Variants in CUL3 observed in about 807,000 individuals in gnomAD.
CUL3 encodes the protein cullin 3.
Under a neutral mutation model 89.1 loss-of-function variants are expected in CUL3, and 19 were observed. The ratio of observed to expected loss-of-function variants is 0.21; its 90% CI spans 0.15 to 0.31. CUL3 has a LOEUF of 0.31. CUL3 is among the 10% of genes least tolerant of loss of function. The pLI, the probability that CUL3 is intolerant of heterozygous loss-of-function variation, is 1.00. For missense variants in CUL3, 469 were observed against 942.3 expected, an observed-to-expected ratio of 0.50 and a Z score of 6.58; for synonymous variants, 351 against 308.4, an observed-to-expected ratio of 1.14 and a Z score of -1.45.
chr2:224,585,130 AGG>A lies in CUL3; in HGVS notation c.-123_-122del. On this transcript the variant is annotated 5_prime_UTR_variant, in exon 1 of 16. Transcript: ENST00000264414. The stretch of plus-strand genomic sequence containing the variant: ...GGCGGCGGCGGCGCGACCCCCGGGC[AGG>A]GCTGGGGAGCTGGCCGGCCCCTGGG... 1.6e-6 allele frequency: 1 copy of A among 621,626 alleles called. No individual in the cohort carries two copies. Among genetic ancestry groups the A allele is most frequent in the Non-Finnish European group, 2.2e-6 (1 of 465,074 alleles). The allele number at this position is 621,626 out of a possible 1,614,324, so 38.5% of individuals were successfully genotyped here. A position where few individuals can be genotyped will look rare whatever the true frequency, so the allele number is the denominator to read the frequency against.
chr2:224,494,018 T>C (rs1051095011), intron 13 of CUL3, among the ~76,000 whole-genome samples: 1 of 152,090 alleles, frequency 6.6e-6, no homozygotes, highest in African/African-American at 2.4e-5. Context: ...CACATGGAAA[T>C]CCATAAGAAA....
At chr2:224,578,730 G>C (rs926686841) in intron 1 of CUL3, among the ~76,000 whole-genome samples, 4 of 152,002 alleles carry the variant, frequency 2.6e-5, no homozygotes, top group Non-Finnish European at 5.9e-5. Flanking sequence ...AAAAAAAGTT[G>C]CATTATTTAA....
At chr2:224,507,638 A>C (rs141442443) in intron 6 of CUL3, among the ~76,000 whole-genome samples, 10 of 152,156 alleles carry the variant, frequency 6.6e-5, no homozygotes, top group African/African-American at 2.4e-4. Flanking sequence ...CCCAGGTAGC[A>C]TCCTAAGCCA....
At chr2:224,583,463 A>G (rs1695491066) in intron 1 of CUL3, among the ~76,000 whole-genome samples, 1 of 152,188 alleles carries the variant, frequency 6.6e-6, no homozygotes, top group African/African-American at 2.4e-5. Context: ...AATTAATATC[A>G]CTCACAAATG....
intron 1 of CUL3, chr2:224,563,258 C>G: frequency 2.1e-6 from 1 of 471,254 alleles, no homozygotes; most frequent in South Asian, 1.5e-5. Context: ...TACTACTTTT[C>G]CAGAGCCATT....
At chr2:224,563,679 G>C (rs1694970836) in intron 1 of CUL3, among the ~76,000 whole-genome samples, 1 of 152,188 alleles carries the variant, frequency 6.6e-6, no homozygotes, top group African/African-American at 2.4e-5. Flanking sequence ...GAAATCTCAT[G>C]CCATCCCACT....
chr2:224,491,935 G>A (rs1691998343), intron 13 of CUL3, among the ~76,000 whole-genome samples: 1 of 152,048 alleles, frequency 6.6e-6, no homozygotes, highest in Non-Finnish European at 1.5e-5. Context: ...ACCTTTCTTT[G>A]TATTGTAGGG....
intron 12 of CUL3, 133 bp from the exon 13 acceptor site, chr2:224,496,099 C>A: frequency 1.2e-6 from 1 of 854,910 alleles, no homozygotes; most frequent in Non-Finnish European, 1.8e-6. Flanking sequence ...GGCGCAAACA[C>A]AGCTCACTGC....
intron 2 of CUL3, among the ~76,000 whole-genome samples, chr2:224,541,753 G>T (rs538454743): frequency 6.6e-6 from 1 of 151,980 alleles, no homozygotes; most frequent in African/African-American, 2.4e-5. Flanking sequence ...GAATAGTTTG[G>T]ATCAATCTCA....
intron 1 of CUL3, among the ~76,000 whole-genome samples, chr2:224,565,124 A>G (rs1695009522): frequency 6.6e-6 from 1 of 152,158 alleles, no homozygotes; most frequent in Non-Finnish European, 1.5e-5. Context: ...AAGTCCCCCA[A>G]CTACTAATAG....
chr2:224,484,745 T>C (rs1253088902), intron 13 of CUL3, among the ~76,000 whole-genome samples: 2 of 152,196 alleles, frequency 1.3e-5, no homozygotes, highest in East Asian at 3.8e-4. Flanking sequence ...TTTGATGTGA[T>C]CCATGGAATT....
At position 224,505,715 on chromosome 2, in the gene CUL3, C is replaced by T. The variant is rs1692573959; in HGVS notation, c.1206+241G>A. The T allele has an allele frequency of 8.6e-6, 2 of 232,914 alleles. 1 individual carries two copies. The highest frequency in any genetic ancestry group is 2.8e-4 in the South Asian group (2 of 7,242). The allele number at this position is 232,914 out of a possible 1,614,324, so 14.4% of individuals were successfully genotyped here. A position where few individuals can be genotyped will look rare whatever the true frequency, so the allele number is the denominator to read the frequency against. Reference sequence around the variant, plus strand: ...CCTCCCCAAATGCTGGGATTATAGGCATGAGCCACCAAGCCCATCCAGTTG... The same window carrying T: ...CCTCCCCAAATGCTGGGATTATAGGTATGAGCCACCAAGCCCATCCAGTTG... On this transcript the variant is annotated intron_variant, in intron 8 of 15. Transcript: ENST00000264414.
chr2:224,564,309 T>A (rs12615830), intron 1 of CUL3, among the ~76,000 whole-genome samples: 8,369 of 152,182 alleles, frequency 0.055, 615 homozygotes, highest in East Asian at 0.19. Context: ...CATCTTCTTC[T>A]ATCCACGAAA....
chr2:224,512,554 A>G (rs1289794747), intron 5 of CUL3, among the ~76,000 whole-genome samples: 1 of 152,264 alleles, frequency 6.6e-6, no homozygotes, highest in South Asian at 2.1e-4. Flanking sequence ...TGTTGTTATC[A>G]TCATTTCATT....
intron 3 of CUL3, among the ~76,000 whole-genome samples, chr2:224,520,605 A>C (rs1043220499): frequency 6.6e-6 from 1 of 152,220 alleles, no homozygotes; most frequent in Non-Finnish European, 1.5e-5. Flanking sequence ...TAGGACAGGC[A>C]GGTCTCCAGG....
intron 3 of CUL3, among the ~76,000 whole-genome samples, chr2:224,518,621 T>C (rs35324221): frequency 0.19 from 28,887 of 152,182 alleles, 3,069 homozygotes; most frequent in South Asian, 0.27. Flanking sequence ...ATTCTTTATA[T>C]GATCCTGGCT....
chr2:224,493,627 G>A (rs1010677919), intron 13 of CUL3, among the ~76,000 whole-genome samples: 2 of 152,168 alleles, frequency 1.3e-5, no homozygotes, highest in African/African-American at 4.8e-5. Flanking sequence ...GGAAAAGCTT[G>A]AACCACTAAA....
chr2:224,543,888 G>A (rs1016225687), intron 2 of CUL3, among the ~76,000 whole-genome samples: 1 of 152,088 alleles, frequency 6.6e-6, no homozygotes, highest in African/African-American at 2.4e-5. Context: ...AGGAGGCTGA[G>A]GTGGGAGGAT....
At chr2:224,477,412 T>G (rs1204280186) in intron 15 of CUL3, among the ~76,000 whole-genome samples, 1 of 152,244 alleles carries the variant, frequency 6.6e-6, no homozygotes, top group Admixed American at 6.5e-5. Flanking sequence ...CCCATAGTTC[T>G]TTCTTGCTCT....
Sources: allele counts gnomAD v4.1 joint callset (sites outside exome capture counted in the v4.1 genomes callset), GRCh38; gene constraint gnomAD v4.1.1; transcripts MANE v1.5; gene names NCBI Gene and HGNC (gene_info 2026-07-23, HGNC 2026-07-21).